The following CAPS2 variants were observed in gnomAD, a reference collection of about 807,000 sequenced individuals.
The protein encoded by CAPS2 is calcyphosin-2.
A neutral mutation model predicts 86.5 loss-of-function variants in CAPS2; 98 were observed. The ratio of observed to expected loss-of-function variants is 1.13; its 90% confidence interval spans 0.96 to 1.34. The LOEUF is 1.34. Among genes scored for constraint, CAPS2 ranks in the 40% most tolerant of loss-of-function variants. The probability of loss-of-function intolerance (pLI) is 0.00; values close to 1 mark genes in which losing one functional copy is unlikely to be tolerated. For missense variants in CAPS2, 729 were observed against 686.8 expected, an observed-to-expected ratio of 1.06 and a Z score of -0.69; for synonymous variants, 210 against 225.1, an observed-to-expected ratio of 0.93 and a Z score of 0.60.
At chr12:75,373,735 G>T in intron 1 of CAPS2, 1 of 153,462 alleles carries the variant, frequency 6.5e-6, no homozygotes. Flanking sequence ...TGATCATAGG[G>T]AACTTCTCAT....
At chr12:75,309,299 A>C (rs1424694733) in intron 7 of CAPS2, among the ~76,000 whole-genome samples, 1 of 152,192 alleles carries the variant, frequency 6.6e-6, no homozygotes, top group Non-Finnish European at 1.5e-5. Flanking sequence ...AGAGTGTAAT[A>C]TTTCACTTAA....
chr12:75,288,535 A>G (rs2035294888), intron 14 of CAPS2, among the ~76,000 whole-genome samples: 1 of 152,210 alleles, frequency 6.6e-6, no homozygotes, highest in African/African-American at 2.4e-5. Flanking sequence ...TACAAAATAC[A>G]CATCTTGTGA....
chr12:75,339,774 A>G (rs1593661322), intron 1 of CAPS2, among the ~76,000 whole-genome samples: 1 of 152,230 alleles, frequency 6.6e-6, no homozygotes, highest in East Asian at 1.9e-4. Flanking sequence ...ATAAGGTGTA[A>G]GGAAGGGGTC....
At chr12:75,353,579 G>A (rs1234998072) in intron 1 of CAPS2, among the ~76,000 whole-genome samples, 1 of 152,172 alleles carries the variant, frequency 6.6e-6, no homozygotes, top group East Asian at 1.9e-4. Flanking sequence ...AAGAGGAGCT[G>A]ATACCCTTTC....
intron 6 of CAPS2, among the ~76,000 whole-genome samples, chr12:75,314,104 G>C (rs936970519): frequency 6.6e-6 from 1 of 152,086 alleles, no homozygotes; most frequent in African/African-American, 2.4e-5. Flanking sequence ...ATTTTTAGTA[G>C]AGACGGGGTT....
chr12:75,352,030 G>A (rs1390079421), intron 1 of CAPS2, among the ~76,000 whole-genome samples: 1 of 152,108 alleles, frequency 6.6e-6, no homozygotes, highest in Non-Finnish European at 1.5e-5. Context: ...AAGGAAAAAT[G>A]GTTACCAGTC....
chr12:75,306,284 A>G (rs568648949), intron 7 of CAPS2: 2 of 611,106 alleles, frequency 3.3e-6, no homozygotes, highest in South Asian at 3.6e-5. Context: ...GATACTGGGA[A>G]GCTATGGAGG....
At chr12:75,299,668 T>C (rs575286509) in intron 9 of CAPS2, among the ~76,000 whole-genome samples, 169 bp downstream of exon 9, 1 of 152,276 alleles carries the variant, frequency 6.6e-6, no homozygotes, top group East Asian at 1.9e-4. Context: ...ATATTTCCTA[T>C]ATTTTTATAA....
At chr12:75,300,464 G>A (rs2037644933) in intron 8 of CAPS2, among the ~76,000 whole-genome samples, 1 of 147,316 alleles carries the variant, frequency 6.8e-6, no homozygotes, top group Admixed American at 7.0e-5. Flanking sequence ...GCTGAGGCAG[G>A]AGAATGGCGT....
At chr12:75,327,895 T>C (rs927427822), upstream of CAPS2, among the ~76,000 whole-genome samples, 19 of 150,962 alleles carry the variant, frequency 1.3e-4, no homozygotes, top group African/African-American at 4.6e-4. Context: ...ATACTTTTAT[T>C]TCATGCCCAG....
intron 1 of CAPS2, among the ~76,000 whole-genome samples, chr12:75,340,030 A>G (rs564254040): frequency 1.3e-5 from 2 of 152,152 alleles, no homozygotes; most frequent in East Asian, 3.9e-4. Context: ...AGTTACTTCA[A>G]TTAGAATAAT....
chr12:75,372,041 C>T (rs958628408), intron 1 of CAPS2, among the ~76,000 whole-genome samples: 7 of 152,072 alleles, frequency 4.6e-5, no homozygotes, highest in African/African-American at 1.4e-4. Flanking sequence ...TTTTTTGAGA[C>T]GGAGTCTCTG....
chr12:75,308,930 A>T (rs113916586), intron 7 of CAPS2, among the ~76,000 whole-genome samples: 2,359 of 136,548 alleles, frequency 0.017, 55 homozygotes, highest in African/African-American at 0.055. Context: ...AAAAGGGGGT[A>T]AGGAGCCCCC....
Position 75,373,499 on chromosome 12 carries a change from A to G in CAPS2, c.-395+17339T>C, listed in dbSNP as rs376300195. The G allele has an allele frequency of 7.2e-5, 11 of 152,266 alleles. 1 individual carries two copies. The highest frequency in any genetic ancestry group is 2.6e-4 in the African/African-American group (11 of 41,544). The allele number at this position is 152,266 out of a possible 1,614,324, so 9.4% of individuals were successfully genotyped here. A position where few individuals can be genotyped will look rare whatever the true frequency, so the allele number is the denominator to read the frequency against. On this transcript the variant is annotated intron_variant, in intron 1 of 5. Transcript: ENST00000551829. Reference sequence around the variant, plus strand: ...CCCAAACCACTCGCTACAGCCCATGAATCACTATATTATCATACATCTGGC... The same window carrying G: ...CCCAAACCACTCGCTACAGCCCATGGATCACTATATTATCATACATCTGGC...
intron 7 of CAPS2, chr12:75,305,646 G>GCGGC (rs936303765): frequency 1.6e-6 from 1 of 634,114 alleles, no homozygotes; most frequent in Non-Finnish European, 3.0e-6. Context: ...GCGGAGAAGG[G>GCGGC]CGGCGCCCAC....
At chr12:75,318,568 G>A (rs543516250) in intron 5 of CAPS2, among the ~76,000 whole-genome samples, 3 of 152,024 alleles carry the variant, frequency 2.0e-5, no homozygotes, top group African/African-American at 7.2e-5. Context: ...CCTACTTCAT[G>A]ACACAGAGTT....
At chr12:75,376,408 G>A (rs922407935) in intron 1 of CAPS2, among the ~76,000 whole-genome samples, 2 of 152,090 alleles carry the variant, frequency 1.3e-5, no homozygotes, top group Non-Finnish European at 2.9e-5. Context: ...ACTTCTTCAT[G>A]GGTCACACCC....
intron 1 of CAPS2, among the ~76,000 whole-genome samples, chr12:75,358,256 A>T (rs1469203037): frequency 6.6e-6 from 1 of 151,894 alleles, no homozygotes. Flanking sequence ...AAAAGACAAA[A>T]ATTACACAGG....
At chr12:75,315,136 A>G (rs2039623055) in intron 6 of CAPS2, among the ~76,000 whole-genome samples, 1 of 152,196 alleles carries the variant, frequency 6.6e-6, no homozygotes, top group South Asian at 2.1e-4. Flanking sequence ...TCAAAATAAA[A>G]TAAAACTTGA....
Sources: allele counts gnomAD v4.1 joint callset (sites outside exome capture counted in the v4.1 genomes callset), GRCh38; gene constraint gnomAD v4.1.1; transcripts MANE v1.5; gene names NCBI Gene and HGNC (gene_info 2026-07-23, HGNC 2026-07-21).